TMEM178B: variants seen among roughly 807,000 people sequenced by gnomAD.
TMEM178B encodes transmembrane protein 178B.
Under a neutral mutation model 31.0 loss-of-function variants are expected in TMEM178B, and 5 were observed. That is an observed-to-expected ratio of 0.16 (90% CI 0.08 to 0.34). The LOEUF is 0.34. Among genes scored for constraint, TMEM178B ranks in the 10% least tolerant of loss-of-function variants. TMEM178B has a pLI of 1.00. For synonymous variants in TMEM178B, 164 were observed against 164.0 expected (o/e 1.00, Z 0.00); for missense variants, 275 against 400.3 (o/e 0.69, Z 2.67).
intron 3 of TMEM178B, among the ~76,000 whole-genome samples, chr7:141,456,519 T>A (rs941757091): frequency 2.6e-5 from 4 of 152,184 alleles, no homozygotes; most frequent in Non-Finnish European, 4.4e-5. Context: ...ATGATAGATC[T>A]GTGTGTCCTG....
At position 141,074,338 on chromosome 7, in the gene TMEM178B, A is replaced by C. The variant is rs1200201471; in HGVS notation, c.28A>C (p.Thr10Pro). 1 of 1,535,794 alleles carries C rather than the reference A, an allele frequency of 6.5e-7. No homozygotes were observed. Among genetic ancestry groups the C allele is most frequent in the Admixed American group, 2.0e-5 (1 of 51,004 alleles). Residue 10 changes from threonine (T) to proline (P), a missense_variant, in exon 1 of 4, where the codon ACT (threonine) becomes CCT (proline). By Grantham distance (38) the Thr-to-Pro change is conservative (BLOSUM62 -1). Transcript: ENST00000565468. This position sits in a 1 kb window ranked among gnomAD's most constrained non-coding sequence, Gnocchi z 5.1. The part of the protein sequence containing the change: MAAGRLLLY[T>P]GLSLALCALG... ...GGCTGCCGGAAGGTTACTGCTCTAC[A>C]CTGGCCTCTCGCTAGCGCTCTGCGC...
At chr7:141,324,963 A>G (rs899157439) in intron 2 of TMEM178B, among the ~76,000 whole-genome samples, 1 of 152,148 alleles carries the variant, frequency 6.6e-6, no homozygotes, top group African/African-American at 2.4e-5. Flanking sequence ...GGAAATGATT[A>G]GGATGTCACA....
intron 2 of TMEM178B, among the ~76,000 whole-genome samples, chr7:141,262,009 A>G (rs1314644763): frequency 6.6e-6 from 1 of 152,152 alleles, no homozygotes; most frequent in African/African-American, 2.4e-5. Context: ...TTAGGGCCAC[A>G]AGGACCTTAC....
At position 141,479,278 on chromosome 7, in the gene TMEM178B, A is replaced by G. The variant is rs1030760201; in HGVS notation, c.*8492A>G. ...GTCACCTGCTAATATCATCTCACCA[A>G]TATTTGGAGCTGTTTTCTGAATCCC... On this transcript the variant is annotated 3_prime_UTR_variant, in exon 4 of 4. Coordinates refer to ENST00000565468, the MANE Select transcript of TMEM178B (RefSeq NM_001195278.2). The G allele has an allele frequency of 2.6e-5, 4 of 152,260 alleles. No homozygotes were observed. In the South Asian group the frequency reaches 8.3e-4, roughly 32 times the overall value. The allele number at this position is 152,260 out of a possible 1,614,324, so 9.4% of individuals were successfully genotyped here.
In TMEM178B at chr7:141,168,393, T is replaced by A. The variant is rs1039800169; in HGVS notation, c.383-44198T>A. Among the ~76,000 whole-genome samples the A allele has an allele frequency of 2.2e-4, 33 of 152,300 alleles. 1 individual carries two copies. Among genetic ancestry groups the A allele is most frequent in the African/African-American group, 7.9e-4 (33 of 41,572 alleles). On this transcript the variant is annotated intron_variant, in intron 1 of 3. Transcript: ENST00000565468. ...CAAGGCTATTCTGTTCTTGTGCACT[T>A]GGCATTGGGGATTGTAATTTGTGGA...
At chr7:141,136,664 C>T (rs868530025) in intron 1 of TMEM178B, among the ~76,000 whole-genome samples, 10 of 152,148 alleles carry the variant, frequency 6.6e-5, no homozygotes, top group Middle Eastern at 3.4e-3. Flanking sequence ...GGAACTCAAA[C>T]AACTCAACAG....
intron 2 of TMEM178B, among the ~76,000 whole-genome samples, chr7:141,230,741 A>G (rs942655818): frequency 2.0e-5 from 3 of 152,144 alleles, no homozygotes; most frequent in Non-Finnish European, 4.4e-5. Flanking sequence ...AGCTTAAGCA[A>G]TCCTCCCACC....
At chr7:141,426,656 A>C (rs915800487) in intron 2 of TMEM178B, among the ~76,000 whole-genome samples, 1 of 152,196 alleles carries the variant, frequency 6.6e-6, no homozygotes, top group African/African-American at 2.4e-5. Context: ...GGAGAGGCAG[A>C]GGACAGTTCT....
chr7:141,457,768 G>T (rs1801992391), intron 3 of TMEM178B, among the ~76,000 whole-genome samples: 1 of 152,184 alleles, frequency 6.6e-6, no homozygotes, highest in Non-Finnish European at 1.5e-5. Flanking sequence ...TGAAAAACAT[G>T]CAACTGTGCA....
intron 2 of TMEM178B, among the ~76,000 whole-genome samples, chr7:141,409,731 C>CT (rs35816338): frequency 0.16 from 23,666 of 144,052 alleles, 2,021 homozygotes; most frequent in Middle Eastern, 0.21. Flanking sequence ...CTGTCTTTGT[C>CT]TTTTTTTTTT....
intron 2 of TMEM178B, among the ~76,000 whole-genome samples, chr7:141,224,491 T>C (rs1482003691): frequency 6.6e-6 from 1 of 152,220 alleles, no homozygotes; most frequent in Non-Finnish European, 1.5e-5. Context: ...CACATTTCCT[T>C]GAGTTCCCAG....
intron 2 of TMEM178B, among the ~76,000 whole-genome samples, chr7:141,339,834 A>G (rs113413544): frequency 0.037 from 5,588 of 152,308 alleles, 228 homozygotes; most frequent in African/African-American, 0.099. Flanking sequence ...AAACTGCAAA[A>G]CATTTGCTGT....
At chr7:141,359,822 T>C (rs1272868404) in intron 2 of TMEM178B, among the ~76,000 whole-genome samples, 2 of 151,732 alleles carry the variant, frequency 1.3e-5, no homozygotes, top group African/African-American at 4.8e-5. Flanking sequence ...GAAAAAGAGG[T>C]TTAATGGACT....
In TMEM178B at chr7:141,080,803, C is replaced by T. The variant is rs139602869; in HGVS notation, c.382+6111C>T. 2.5e-3 allele frequency among the ~76,000 whole-genome samples: 379 copies of T among 152,230 alleles called. 4 individuals carry two copies. Among genetic ancestry groups the T allele is most frequent in the African/African-American group, 8.8e-3 (364 of 41,522 alleles). The stretch of plus-strand genomic sequence containing the variant: ...TTGGTTAAAGACAGACTGCAGTGGT[C>T]TCATAAGGTTATCATGGAGCTGAAA... On this transcript the variant is annotated intron_variant, in intron 1 of 3. Coordinates refer to ENST00000565468, the MANE Select transcript of TMEM178B (RefSeq NM_001195278.2).
intron 2 of TMEM178B, among the ~76,000 whole-genome samples, chr7:141,257,613 C>T (rs1797948547): frequency 1.3e-5 from 2 of 152,146 alleles, no homozygotes; most frequent in Non-Finnish European, 2.9e-5. Flanking sequence ...TGACAGTTTC[C>T]ACTTTCAGCT....
At chr7:141,257,375 G>C (rs1022622048) in intron 2 of TMEM178B, among the ~76,000 whole-genome samples, 3 of 152,174 alleles carry the variant, frequency 2.0e-5, no homozygotes, top group Non-Finnish European at 2.9e-5. Flanking sequence ...TTGCTGTTGA[G>C]AGTTATATTT....
At chr7:141,187,133 T>C (rs1224565307) in intron 1 of TMEM178B, among the ~76,000 whole-genome samples, 6 of 125,156 alleles carry the variant, frequency 4.8e-5, no homozygotes, top group African/African-American at 1.9e-4. Flanking sequence ...GATGTTCCCC[T>C]TCCTGTGTCC....
chr7:141,368,885 G>C (rs1048065488), intron 2 of TMEM178B, among the ~76,000 whole-genome samples: 2 of 152,302 alleles, frequency 1.3e-5, no homozygotes, highest in East Asian at 3.9e-4. Context: ...CTCCTGCTTT[G>C]CTCCCTTACA....
chr7:141,256,203 C>T (rs151206782), intron 2 of TMEM178B, among the ~76,000 whole-genome samples: 114 of 152,298 alleles, frequency 7.5e-4, no homozygotes, highest in African/African-American at 2.6e-3. Context: ...GTTCTTAGCT[C>T]TGATACATTC....
Sources: allele counts gnomAD v4.1 joint callset (sites outside exome capture counted in the v4.1 genomes callset), GRCh38; gene constraint gnomAD v4.1.1; non-coding constraint Gnocchi (gnomAD v3.1); transcripts MANE v1.5; gene names NCBI Gene and HGNC (gene_info 2026-07-23, HGNC 2026-07-21).